KIAA1328: variants seen among roughly 807,000 people sequenced by gnomAD.
The protein encoded by KIAA1328 is protein hinderin.
Under a neutral mutation model 68.1 loss-of-function variants are expected in KIAA1328, and 52 were observed. The observed-to-expected ratio is 0.76, with a 90% CI of 0.61 to 0.96. KIAA1328 has a LOEUF of 0.96. KIAA1328 is among the 40% of genes least tolerant of loss of function. The pLI, the probability that KIAA1328 is intolerant of heterozygous loss-of-function variation, is 0.00. For synonymous variants in KIAA1328, 232 were observed against 239.4 expected, an observed-to-expected ratio of 0.97 and a Z score of 0.28; for missense variants, 641 against 677.6, an observed-to-expected ratio of 0.95 and a Z score of 0.60.
chr18:37,164,165 A>G (rs1459631524), intron 8 of KIAA1328, among the ~76,000 whole-genome samples: 1 of 152,226 alleles, frequency 6.6e-6, no homozygotes, highest in East Asian at 1.9e-4. Context: ...TATAAGTTCC[A>G]TATGTTCACT....
chr18:37,199,198 G>T (rs1244737138), intron 9 of KIAA1328, among the ~76,000 whole-genome samples: 2 of 152,018 alleles, frequency 1.3e-5, no homozygotes, highest in Non-Finnish European at 2.9e-5. Context: ...TTATCCCCTC[G>T]GTATGAAGCC....
At chr18:37,065,986 A>G (rs938793986) in intron 6 of KIAA1328, among the ~76,000 whole-genome samples, 1 of 152,214 alleles carries the variant, frequency 6.6e-6, no homozygotes, top group Admixed American at 6.5e-5. Context: ...TAGTTTTCAA[A>G]GTGTGGTCCC....
At chr18:37,114,370 C>T (rs972911348) in intron 7 of KIAA1328, among the ~76,000 whole-genome samples, 1 of 152,192 alleles carries the variant, frequency 6.6e-6, no homozygotes, top group Non-Finnish European at 1.5e-5. Context: ...CAAAACCGCT[C>T]AACTACATGG....
chr18:36,865,282 AT>A (rs376678423), intron 4 of KIAA1328, among the ~76,000 whole-genome samples: 6 of 151,544 alleles, frequency 4.0e-5, no homozygotes, highest in East Asian at 1.9e-4. Flanking sequence ...AATTCTATGT[AT>A]TTTTTTATTT....
In KIAA1328 at chr18:37,224,473, T is replaced by G; in HGVS notation, c.*2246T>G. 1.0e-6 allele frequency: 1 copy of G among 985,452 alleles called. No individual in the cohort carries two copies. Among genetic ancestry groups the G allele is most frequent in the Non-Finnish European group, 1.2e-6 (1 of 829,938 alleles). 61.0% of individuals were successfully genotyped at this position (985,452 alleles called of 1,614,324 possible). On this transcript the variant is annotated 3_prime_UTR_variant, in exon 10 of 10. Coordinates refer to ENST00000280020, the MANE Select transcript of KIAA1328 (RefSeq NM_020776.3). ...CAAAACTCATCACCAGTTGCCTTTT[T>G]CTAACTTAATGGACATTTTGTTGGT...
At chr18:36,949,534 C>G (rs1053838422) in intron 5 of KIAA1328, among the ~76,000 whole-genome samples, 1 of 149,090 alleles carries the variant, frequency 6.7e-6, no homozygotes, top group Non-Finnish European at 1.5e-5. Flanking sequence ...TCCATAGGGT[C>G]TAATGACCTG....
At chr18:36,977,772 T>A (rs2052527943) in intron 6 of KIAA1328, among the ~76,000 whole-genome samples, 1 of 152,000 alleles carries the variant, frequency 6.6e-6, no homozygotes, top group African/African-American at 2.4e-5. Flanking sequence ...GAAGGTTTTT[T>A]ATTTTATTTT....
At chr18:37,160,810 T>C (rs1415960465) in intron 8 of KIAA1328, among the ~76,000 whole-genome samples, 1 of 152,216 alleles carries the variant, frequency 6.6e-6, no homozygotes, top group African/African-American at 2.4e-5. Context: ...ATATTGTGAC[T>C]AAAGCAAAAC....
At chr18:36,859,050 C>A (rs544253506) in intron 4 of KIAA1328, among the ~76,000 whole-genome samples, 22 of 152,178 alleles carry the variant, frequency 1.4e-4, no homozygotes, top group Admixed American at 7.8e-4. Flanking sequence ...ACTTCATGGG[C>A]AATTAAATTT....
intron 5 of KIAA1328, among the ~76,000 whole-genome samples, chr18:36,910,262 A>G (rs2049385805): frequency 6.6e-6 from 1 of 152,100 alleles, no homozygotes; most frequent in African/African-American, 2.4e-5. Flanking sequence ...TAGGTCTAAC[A>G]TTTAAGTCTT....
intron 7 of KIAA1328, among the ~76,000 whole-genome samples, chr18:37,122,650 G>A (rs2058299934): frequency 6.8e-6 from 1 of 147,296 alleles, no homozygotes; most frequent in Non-Finnish European, 1.5e-5. Context: ...GGACAACTAT[G>A]TTGCAGTTGA....
At chr18:37,084,468 TG>T (rs1222024659) in intron 7 of KIAA1328, 93 of 276,200 alleles carry the variant, frequency 3.4e-4, no homozygotes, top group African/African-American at 2.0e-3. Flanking sequence ...ATTTCTTTTT[TG>T]TTTTTTGTTT....
chr18:37,052,395 G>C (rs1188994610), intron 6 of KIAA1328, among the ~76,000 whole-genome samples: 3 of 152,020 alleles, frequency 2.0e-5, no homozygotes, highest in Non-Finnish European at 4.4e-5. Flanking sequence ...TTACCAAATG[G>C]AGAAAAGTTA....
intron 6 of KIAA1328, among the ~76,000 whole-genome samples, chr18:37,056,231 T>G (rs2055901863): frequency 1.3e-5 from 2 of 152,256 alleles, no homozygotes; most frequent in African/African-American, 4.8e-5. Flanking sequence ...CATGTGTATG[T>G]GTGCATACAT....
intron 9 of KIAA1328, among the ~76,000 whole-genome samples, chr18:37,192,559 T>C (rs1231379011): frequency 1.3e-5 from 2 of 152,232 alleles, no homozygotes; most frequent in Non-Finnish European, 1.5e-5. Context: ...CACTATATTC[T>C]CCAGCAGTCA....
chr18:37,002,218 A>ATT (rs202067756), intron 6 of KIAA1328, among the ~76,000 whole-genome samples: 4 of 119,968 alleles, frequency 3.3e-5, no homozygotes, highest in Admixed American at 9.8e-5. Context: ...CTTTTTCTTC[A>ATT]TTTTTTTTTC....
chr18:37,089,954 C>T (rs1194822143), intron 7 of KIAA1328, among the ~76,000 whole-genome samples: 1 of 152,192 alleles, frequency 6.6e-6, no homozygotes, highest in Non-Finnish European at 1.5e-5. Flanking sequence ...TAATTATCTT[C>T]CAATGGTTTG....
chr18:37,178,433 G>A (rs987468102), intron 9 of KIAA1328, among the ~76,000 whole-genome samples: 4 of 152,066 alleles, frequency 2.6e-5, no homozygotes, highest in Admixed American at 6.6e-5. Flanking sequence ...CTTATTTATG[G>A]CTGAATAGTA....
At chr18:37,049,400 G>C (rs747497374) in intron 6 of KIAA1328, among the ~76,000 whole-genome samples, 56 of 152,108 alleles carry the variant, frequency 3.7e-4, no homozygotes, top group Non-Finnish European at 5.0e-4. Context: ...TGAGCACTAG[G>C]AAACTCATTT....
Sources: gnomAD v4.1 joint callset for allele counts (sites outside exome capture counted in the v4.1 genomes callset) on GRCh38, gnomAD v4.1.1 for gene constraint, MANE v1.5 for transcripts, NCBI Gene and HGNC (gene_info 2026-07-23, HGNC 2026-07-21) for gene names.